LRMDA: variants seen among roughly 807,000 people sequenced by gnomAD.
LRMDA encodes the protein leucine rich melanocyte differentiation associated.
Under a neutral mutation model 29.8 loss-of-function variants are expected in LRMDA, and 18 were observed. The observed-to-expected ratio is 0.60, with a 90% CI of 0.42 to 0.90. The LOEUF is 0.90. Ranked by LOEUF, LRMDA falls within the 40% of genes least tolerant of loss-of-function variation. The pLI, the probability that LRMDA is intolerant of heterozygous loss-of-function variation, is 0.00. For missense variants in LRMDA, 273 were observed against 273.9 expected (o/e 1.00, Z 0.02); for synonymous variants, 125 against 109.4 (o/e 1.14, Z -0.89).
intron 2 of LRMDA, among the ~76,000 whole-genome samples, chr10:75,760,538 G>C (rs1200704792): frequency 6.6e-6 from 1 of 152,140 alleles, no homozygotes; most frequent in African/African-American, 2.4e-5. Flanking sequence ...AACTAAAAGA[G>C]GTATTGATAT....
chr10:75,621,649 G>A (rs963776424), intron 2 of LRMDA, among the ~76,000 whole-genome samples: 1 of 152,172 alleles, frequency 6.6e-6, no homozygotes, highest in Non-Finnish European at 1.5e-5. Flanking sequence ...GCAAGAGGGG[G>A]AGGCCTATGA....
intron 2 of LRMDA, among the ~76,000 whole-genome samples, chr10:75,870,770 T>C (rs958400496): frequency 6.6e-6 from 1 of 152,150 alleles, no homozygotes; most frequent in African/African-American, 2.4e-5. Context: ...ACTCCCCCCT[T>C]TCTTGTAGAG....
intron 2 of LRMDA, among the ~76,000 whole-genome samples, chr10:75,923,806 T>C (rs74501178): frequency 0.03 from 4,606 of 152,202 alleles, 237 homozygotes; most frequent in African/African-American, 0.11. Flanking sequence ...TTTTAGGGAT[T>C]CCCTTTTTTG....
intron 6 of LRMDA, among the ~76,000 whole-genome samples, chr10:76,358,055 A>T (rs945306451): frequency 6.6e-6 from 1 of 152,156 alleles, no homozygotes; most frequent in Non-Finnish European, 1.5e-5. Flanking sequence ...GCCATCCCAT[A>T]TGGAGAGGTC....
At chr10:75,477,688 G>A (rs191071405) in intron 2 of LRMDA, among the ~76,000 whole-genome samples, 3 of 152,328 alleles carry the variant, frequency 2.0e-5, no homozygotes, top group African/African-American at 7.2e-5. Flanking sequence ...TATAGCCCCT[G>A]GGGCCCACGA....
In LRMDA at chr10:76,499,214, C is replaced by G. The variant is rs1294575935; in HGVS notation, c.602-57995C>G. ...TAATCTTAGAACATTTTTGTCACCC[C>G]CATAAGCTGCCCTATATCATGAGCT... is the stretch of plus-strand genomic sequence containing the variant. On this transcript the variant is annotated intron_variant, in intron 6 of 6. Transcript: ENST00000611255. Among the ~76,000 whole-genome samples the G allele has an allele frequency of 4.0e-5, 3 of 74,856 alleles. 1 individual carries two copies. Among genetic ancestry groups the G allele is most frequent in the Non-Finnish European group, 8.9e-5 (2 of 22,482 alleles). 49.1% of individuals were successfully genotyped at this position (74,856 alleles called of 152,430 possible).
intron 5 of LRMDA, among the ~76,000 whole-genome samples, chr10:76,265,629 G>A (rs1300914878): frequency 2.0e-5 from 3 of 152,094 alleles, no homozygotes; most frequent in South Asian, 2.1e-4. Flanking sequence ...AGAGAGTGCT[G>A]GGGGAATGGT....
At chr10:76,458,125 C>CAAAAAA (rs66952051) in intron 6 of LRMDA, among the ~76,000 whole-genome samples, 7 of 140,106 alleles carry the variant, frequency 5.0e-5, no homozygotes, top group Non-Finnish European at 7.6e-5. Flanking sequence ...CTAGTGCTTT[C>CAAAAAA]AAAAAAAAAA....
intron 2 of LRMDA, among the ~76,000 whole-genome samples, chr10:75,454,822 G>A (rs1456823754): frequency 6.6e-6 from 1 of 152,192 alleles, no homozygotes; most frequent in Non-Finnish European, 1.5e-5. Context: ...AAAAAAATCA[G>A]CCTTACCTGG....
intron 6 of LRMDA, among the ~76,000 whole-genome samples, chr10:76,464,377 G>A (rs374333603): frequency 1.3e-5 from 2 of 152,268 alleles, no homozygotes; most frequent in East Asian, 1.9e-4. Flanking sequence ...CGAGTGGCGA[G>A]AGACTAGAAT....
At chr10:75,740,062 A>G (rs1389252360) in intron 2 of LRMDA, among the ~76,000 whole-genome samples, 1 of 152,256 alleles carries the variant, frequency 6.6e-6, no homozygotes, top group Non-Finnish European at 1.5e-5. Flanking sequence ...TAATCAACAC[A>G]TACCTCATGG....
chr10:76,300,597 T>C lies in LRMDA; in HGVS notation c.517-23804T>C, dbSNP rs772166287. Among the ~76,000 whole-genome samples, 17 of 152,242 alleles carry C rather than the reference T, an allele frequency of 1.1e-4. 1 individual carries two copies. Among genetic ancestry groups the C allele is most frequent in the Non-Finnish European group, 2.1e-4 (14 of 68,044 alleles). ...CTCTGTCTTTCTCTCCTGGAACAGA[T>C]GAAATCTCTTCCATCATTCAGACGC... On this transcript the variant is annotated intron_variant, in intron 5 of 6. Coordinates refer to ENST00000611255, the MANE Select transcript of LRMDA (RefSeq NM_001305581.2).
chr10:75,543,259 T>C (rs1840041426), intron 2 of LRMDA, among the ~76,000 whole-genome samples: 1 of 152,158 alleles, frequency 6.6e-6, no homozygotes, highest in South Asian at 2.1e-4. Context: ...CTGGAGAAAA[T>C]GAGCTGAACA....
At chr10:76,539,110 G>C (rs997101746) in intron 6 of LRMDA, among the ~76,000 whole-genome samples, 8 of 152,086 alleles carry the variant, frequency 5.3e-5, no homozygotes, top group Non-Finnish European at 1.2e-4. Flanking sequence ...ACTTATCAGA[G>C]ACTAGCCACT....
intron 5 of LRMDA, among the ~76,000 whole-genome samples, chr10:76,145,475 C>T (rs1312916804): frequency 8.5e-5 from 13 of 152,194 alleles, no homozygotes; most frequent in Middle Eastern, 3.4e-3. Flanking sequence ...AGTTTATTTG[C>T]GTAGAGGTGT....
intron 2 of LRMDA, among the ~76,000 whole-genome samples, chr10:75,965,525 A>T (rs1186780241): frequency 6.6e-6 from 1 of 152,178 alleles, no homozygotes. Context: ...GATGAATGGC[A>T]TCCCAATTCC....
At chr10:75,765,991 G>C (rs1277339457) in intron 2 of LRMDA, among the ~76,000 whole-genome samples, 2 of 152,212 alleles carry the variant, frequency 1.3e-5, no homozygotes, top group Non-Finnish European at 2.9e-5. Context: ...CTGAGATGGT[G>C]AGGAGGGCGT....
At chr10:75,454,400 G>A (rs1192772583) in intron 2 of LRMDA, among the ~76,000 whole-genome samples, 1 of 152,130 alleles carries the variant, frequency 6.6e-6, no homozygotes, top group East Asian at 1.9e-4. Flanking sequence ...TGCATCCGAG[G>A]CAGCCTCTGA....
chr10:75,432,313 G>A (rs980154669), intron 1 of LRMDA, among the ~76,000 whole-genome samples: 1 of 152,222 alleles, frequency 6.6e-6, no homozygotes, highest in African/African-American at 2.4e-5. Context: ...CTACGCCATA[G>A]CCAAAGGCTG....
Sources: gnomAD v4.1 joint callset for allele counts (sites outside exome capture counted in the v4.1 genomes callset) on GRCh38, gnomAD v4.1.1 for gene constraint, MANE v1.5 for transcripts, NCBI Gene and HGNC (gene_info 2026-07-23, HGNC 2026-07-21) for gene names.